PCNX1: variants seen among roughly 807,000 people sequenced by gnomAD.
The protein encoded by PCNX1 is pecanex 1.
A neutral mutation model predicts 242.2 loss-of-function variants in PCNX1; 78 were observed. The ratio of observed to expected loss-of-function variants is 0.32; its 90% CI spans 0.27 to 0.39. PCNX1 has a LOEUF of 0.39. Among genes scored for constraint, PCNX1 ranks in the 10% least tolerant of loss-of-function variants. PCNX1 has a pLI of 1.00. For synonymous variants in PCNX1, 1,024 were observed against 1,032.9 expected, an observed-to-expected ratio of 0.99 and a Z score of 0.17; for missense variants, 2,581 against 2,856.5, an observed-to-expected ratio of 0.90 and a Z score of 2.20.
At chr14:71,021,454 C>G (rs1199469477) in intron 12 of PCNX1, among the ~76,000 whole-genome samples, 2 of 152,172 alleles carry the variant, frequency 1.3e-5, no homozygotes, top group Non-Finnish European at 2.9e-5. Context: ...GTTTGTAGTT[C>G]TCCTTGAAGA....
At chr14:71,037,536 A>G (rs1436359752) in intron 19 of PCNX1, among the ~76,000 whole-genome samples, 8 of 151,284 alleles carry the variant, frequency 5.3e-5, no homozygotes, top group South Asian at 4.2e-4. Flanking sequence ...TTCTGCATCT[A>G]TTGAGATAAT....
At chr14:70,926,079 T>C (rs2056580929) in intron 1 of PCNX1, among the ~76,000 whole-genome samples, 1 of 152,186 alleles carries the variant, frequency 6.6e-6, no homozygotes, top group Admixed American at 6.5e-5. Flanking sequence ...TTGGCTCTCC[T>C]TCTTGACCAA....
At chr14:71,076,662 C>T (rs1314315804) in intron 28 of PCNX1, among the ~76,000 whole-genome samples, 1 of 152,202 alleles carries the variant, frequency 6.6e-6, no homozygotes, top group Non-Finnish European at 1.5e-5. Flanking sequence ...GGTAGCACCT[C>T]CTTCATCCTG....
chr14:70,923,999 G>C (rs1358891918), intron 1 of PCNX1, among the ~76,000 whole-genome samples: 1 of 152,144 alleles, frequency 6.6e-6, no homozygotes, highest in African/African-American at 2.4e-5. Flanking sequence ...GGGAGGCCGA[G>C]GCAGGCAGAT....
chr14:70,971,518 T>C (rs1480813631), intron 5 of PCNX1, among the ~76,000 whole-genome samples: 3 of 152,220 alleles, frequency 2.0e-5, no homozygotes, highest in Non-Finnish European at 2.9e-5. Flanking sequence ...TGTCGAGTAC[T>C]CTTGGCACTG....
chr14:71,036,092 G>T lies in PCNX1; in HGVS notation c.3802G>T (p.Val1268Leu). Residue 1268 changes from valine to leucine, a missense_variant, in exon 19 of 36, where the codon GTA becomes TTA. Around this residue, in one of 9 missense-constraint regions of PCNX1, gnomAD observed 432 missense variants for 443.1 expected, o/e 0.97. Coordinates refer to ENST00000304743, the MANE Select transcript of PCNX1 (RefSeq NM_014982.3). ...VSERLQSDLV[V>L]CIVIGVLYFA... ...TGAGCGATTACAGTCTGACCTGGTA[G>T]TATGCATTGTAATTGGTGTGCTGTA... The T allele has an allele frequency of 6.2e-7, 1 of 1,606,154 alleles. No individual in the cohort carries two copies. The highest frequency in any genetic ancestry group is 2.2e-5 in the East Asian group (1 of 44,822).
At chr14:70,918,903 A>G (rs1051512064) in intron 1 of PCNX1, among the ~76,000 whole-genome samples, 6 of 145,514 alleles carry the variant, frequency 4.1e-5, no homozygotes, top group Admixed American at 4.1e-4. Context: ...TTTTTTTTAG[A>G]CAAAGTCTTT....
At chr14:70,973,757 T>C (rs1004536361) in intron 5 of PCNX1, among the ~76,000 whole-genome samples, 7 of 152,222 alleles carry the variant, frequency 4.6e-5, no homozygotes, top group African/African-American at 1.4e-4. Flanking sequence ...TTTATAAAAG[T>C]AACATATATG....
intron 30 of PCNX1, among the ~76,000 whole-genome samples, chr14:71,091,240 T>C (rs2141676318): frequency 6.6e-6 from 1 of 152,296 alleles, no homozygotes; most frequent in Middle Eastern, 3.4e-3. Flanking sequence ...GACATTAGGT[T>C]GTCTATGAGG....
At chr14:70,994,397 A>ATATATATATATG (rs1566672800) in intron 7 of PCNX1, among the ~76,000 whole-genome samples, 12 of 11,932 alleles carry the variant, frequency 1.0e-3, no homozygotes, top group Non-Finnish European at 1.9e-3. Flanking sequence ...CAGGCTTAAG[A>ATATATATATATG]TATATATATA....
At chr14:71,060,913 C>G (rs750428078) in intron 26 of PCNX1, among the ~76,000 whole-genome samples, 24 of 152,128 alleles carry the variant, frequency 1.6e-4, no homozygotes, top group Middle Eastern at 3.2e-3. Context: ...TCTGCTAGCT[C>G]TGTGTGATTT....
At chr14:70,946,390 C>T (rs1420453937) in intron 1 of PCNX1, among the ~76,000 whole-genome samples, 1 of 152,136 alleles carries the variant, frequency 6.6e-6, no homozygotes, top group Non-Finnish European at 1.5e-5. Flanking sequence ...TGGATCACAA[C>T]CTTGATTTCT....
intron 8 of PCNX1, among the ~76,000 whole-genome samples, chr14:71,002,411 TA>T (rs2059532533): frequency 6.6e-6 from 1 of 150,568 alleles, no homozygotes; most frequent in Non-Finnish European, 1.5e-5. Flanking sequence ...CTGTTAAATG[TA>T]TACAATTCAA....
At chr14:71,008,781 A>G (rs2059740449) in intron 8 of PCNX1, among the ~76,000 whole-genome samples, 1 of 151,994 alleles carries the variant, frequency 6.6e-6, no homozygotes, top group South Asian at 2.1e-4. Context: ...AGAGTTGTAT[A>G]CCTCATTTCA....
At chr14:71,007,164 A>G (rs1341337119) in intron 8 of PCNX1, among the ~76,000 whole-genome samples, 1 of 151,866 alleles carries the variant, frequency 6.6e-6, no homozygotes, top group East Asian at 1.9e-4. Flanking sequence ...AGAACTACTC[A>G]ATTTTTCCAA....
At chr14:70,968,102 A>G in intron 3 of PCNX1, 96 bp from the exon 4 acceptor site, 1 of 851,804 alleles carries the variant, frequency 1.2e-6, no homozygotes, top group Admixed American at 1.9e-5. Context: ...ACATGTTTTG[A>G]TCATATAATT....
chr14:71,049,197 AT>A (rs1566746717), intron 22 of PCNX1: 1 of 537,994 alleles, frequency 1.9e-6, no homozygotes, highest in Non-Finnish European at 2.4e-6. Context: ...ATTAGTTTGG[AT>A]TTTCTTAATA....
At chr14:70,975,453 A>G (rs988310235) in intron 5 of PCNX1, among the ~76,000 whole-genome samples, 5 of 152,196 alleles carry the variant, frequency 3.3e-5, no homozygotes, top group African/African-American at 1.2e-4. Context: ...TTTTTAATTA[A>G]TTAATCATAG....
chr14:71,042,719 A>G (rs1371809911), intron 19 of PCNX1, among the ~76,000 whole-genome samples: 2 of 152,004 alleles, frequency 1.3e-5, no homozygotes, highest in East Asian at 3.9e-4. Context: ...AGCCATTTAC[A>G]TTCAGGGTTT....
Sources: gnomAD v4.1 joint callset for allele counts (sites outside exome capture counted in the v4.1 genomes callset) on GRCh38, gnomAD v4.1.1 for gene constraint, gnomAD v4.1.1 regional missense constraint, MANE v1.5 for transcripts, NCBI Gene and HGNC (gene_info 2026-07-23, HGNC 2026-07-21) for gene names.